The following SMOC1 variants were observed in gnomAD, a reference collection of about 807,000 sequenced individuals.
SMOC1 encodes the protein SPARC-related modular calcium-binding protein 1.
A neutral mutation model predicts 56.3 loss-of-function variants in SMOC1; 22 were observed. The observed-to-expected ratio is 0.39, with a 90% CI of 0.28 to 0.56. The LOEUF (loss-of-function observed/expected upper bound fraction) is 0.56. SMOC1 is among the 20% of genes least tolerant of loss of function. SMOC1 has a pLI of 0.61. For missense variants in SMOC1, 509 were observed against 565.4 expected (o/e 0.90, Z 1.01); for synonymous variants, 193 against 215.0 (o/e 0.90, Z 0.89).
chr14:69,980,122 T>TC (rs1330150487), intron 5 of SMOC1, among the ~76,000 whole-genome samples: 1 of 152,112 alleles, frequency 6.6e-6, no homozygotes, highest in African/African-American at 2.4e-5. Flanking sequence ...CACCCTTTGT[T>TC]CCCTTTTACA....
intron 1 of SMOC1, among the ~76,000 whole-genome samples, chr14:69,920,764 A>C (rs1467440457): frequency 6.6e-6 from 1 of 152,170 alleles, no homozygotes. Flanking sequence ...TTTGTCTGGA[A>C]GGTCAGAGAG....
rs888998678 is a variant in SMOC1 at position 70,031,664 on chromosome 14, C to T, written c.*1406C>T. The T allele has an allele frequency of 4.6e-5, 7 of 152,420 alleles. No individual in the cohort carries two copies. Among genetic ancestry groups the T allele is most frequent in the African/African-American group, 1.4e-4 (6 of 41,566 alleles). 9.4% of individuals were successfully genotyped at this position (152,420 alleles called of 1,614,324 possible). A position where few individuals can be genotyped will look rare whatever the true frequency, so the allele number is the denominator to read the frequency against. On this transcript the variant is annotated 3_prime_UTR_variant, in exon 12 of 12. Transcript: ENST00000361956. Reference sequence around the variant, plus strand: ...TTCCACAGGCATCACAGGCATCTTCCGCGGATTCTAGGGTGGGCTGCCCAG... The same window carrying T: ...TTCCACAGGCATCACAGGCATCTTCTGCGGATTCTAGGGTGGGCTGCCCAG...
chr14:69,924,523 C>T (rs1461334508), intron 1 of SMOC1, among the ~76,000 whole-genome samples: 4 of 151,782 alleles, frequency 2.6e-5, no homozygotes, highest in South Asian at 2.1e-4. Flanking sequence ...TTATGGCACC[C>T]GGGAATAAAA....
intron 1 of SMOC1, among the ~76,000 whole-genome samples, chr14:69,940,820 T>C (rs913858587): frequency 6.6e-6 from 1 of 152,130 alleles, no homozygotes; most frequent in African/African-American, 2.4e-5. Flanking sequence ...GCTCTCTGTT[T>C]ATTTGATTTG....
In SMOC1 at chr14:69,994,433, T is replaced by C. The variant is rs760924606; in HGVS notation, c.617T>C (p.Leu206Ser). 6.2e-7 allele frequency: 1 copy of C among 1,614,052 alleles called. No homozygotes were observed. Among genetic ancestry groups the C allele is most frequent in the Non-Finnish European group, 8.5e-7 (1 of 1,179,936 alleles). ...ITAPTLWIKH[L>S]VIKDSKLNNT... ...GCCCCAACTCTATGGATTAAACACTTGGTGATCAAGGACTCCAAACTGAAC... is the reference window on the plus strand; with the variant it reads ...GCCCCAACTCTATGGATTAAACACTCGGTGATCAAGGACTCCAAACTGAAC... Residue 206 changes from leucine (L) to serine (S), a missense_variant, in exon 7 of 12, where the codon TTG becomes TCG. Physicochemically the swap from Leu to Ser is moderately radical, Grantham distance 145. Coordinates refer to ENST00000361956, the MANE Select transcript of SMOC1 (RefSeq NM_001034852.3).
At chr14:69,986,246 G>A (rs1253383411) in intron 5 of SMOC1, among the ~76,000 whole-genome samples, 3 of 152,186 alleles carry the variant, frequency 2.0e-5, no homozygotes, top group Admixed American at 6.5e-5. Flanking sequence ...TGCCAGGTGT[G>A]AGGAATGGGG....
At chr14:70,003,286 A>G (rs1459701) in intron 7 of SMOC1, among the ~76,000 whole-genome samples, 4,646 of 151,442 alleles carry the variant, frequency 0.031, 125 homozygotes, top group Middle Eastern at 0.14. Flanking sequence ...CAGTGGGACA[A>G]CTCCTTTTGC....
chr14:70,012,361 C>T (rs57292391), intron 9 of SMOC1, among the ~76,000 whole-genome samples: 1,772 of 152,288 alleles, frequency 0.012, 36 homozygotes, highest in African/African-American at 0.039. Flanking sequence ...GTGCCAGGCA[C>T]TGGGTATAAT....
intron 5 of SMOC1, among the ~76,000 whole-genome samples, chr14:69,983,382 G>C (rs1296122216): frequency 1.3e-5 from 2 of 152,224 alleles, no homozygotes; most frequent in Non-Finnish European, 2.9e-5. Context: ...TAAGGACCCA[G>C]GGATGAGTAT....
At chr14:69,965,511 G>C (rs1046696665) in intron 3 of SMOC1, among the ~76,000 whole-genome samples, 1 of 152,106 alleles carries the variant, frequency 6.6e-6, no homozygotes, top group Non-Finnish European at 1.5e-5. Context: ...GGATCACTGA[G>C]TACAGTATAT....
chr14:70,004,616 C>G (rs1366551065), intron 7 of SMOC1, among the ~76,000 whole-genome samples: 3 of 152,212 alleles, frequency 2.0e-5, no homozygotes, highest in Admixed American at 6.5e-5. Flanking sequence ...GAATTTCTAG[C>G]CTATTGGCCT....
At chr14:69,994,923 G>A (rs1302773025) in intron 7 of SMOC1, among the ~76,000 whole-genome samples, 1 of 152,132 alleles carries the variant, frequency 6.6e-6, no homozygotes, top group African/African-American at 2.4e-5. Flanking sequence ...TTGAGCACTG[G>A]CTGAACCCTC....
At chr14:69,889,380 G>A (rs914759488) in intron 1 of SMOC1, among the ~76,000 whole-genome samples, 1 of 152,132 alleles carries the variant, frequency 6.6e-6, no homozygotes, top group African/African-American at 2.4e-5. Context: ...CTTCCTTTAA[G>A]CAAAGAATCA....
intron 10 of SMOC1, among the ~76,000 whole-genome samples, chr14:70,019,566 T>C (rs1885638677): frequency 6.6e-6 from 1 of 152,174 alleles, no homozygotes; most frequent in South Asian, 2.1e-4. Context: ...GGAATATATG[T>C]GTGCTTGTGT....
intron 3 of SMOC1, among the ~76,000 whole-genome samples, chr14:69,973,887 G>A (rs1017065188): frequency 1.3e-5 from 2 of 152,146 alleles, no homozygotes; most frequent in Non-Finnish European, 2.9e-5. Context: ...CAATTTGTGT[G>A]CTATTACTGT....
At chr14:69,932,033 A>T (rs1885178280) in intron 1 of SMOC1, among the ~76,000 whole-genome samples, 1 of 152,246 alleles carries the variant, frequency 6.6e-6, no homozygotes, top group Non-Finnish European at 1.5e-5. Flanking sequence ...CTGTTCTGGC[A>T]GTCCAAAGAG....
chr14:69,954,118 G>A (rs1417274856), intron 3 of SMOC1, among the ~76,000 whole-genome samples: 5 of 152,140 alleles, frequency 3.3e-5, no homozygotes, highest in Non-Finnish European at 5.9e-5. Flanking sequence ...TTAGTGCATT[G>A]TCAAAGTAAT....
In SMOC1 at chr14:70,016,097, T is replaced by C. The variant is rs1461862423; in HGVS notation, c.1046+2606T>C. 3.9e-5 allele frequency among the ~76,000 whole-genome samples: 6 copies of C among 152,282 alleles called. No individual in the cohort carries two copies. The East Asian group carries it at 1.2e-3, about 30-fold the overall frequency. On this transcript the variant is annotated intron_variant, in intron 10 of 11. Coordinates refer to ENST00000361956, the MANE Select transcript of SMOC1 (RefSeq NM_001034852.3). ...AGGACTTCAAGCTCCTCTTGGTTGC[T>C]TTCCCAAGAGCACTGCGTGGGCTCT... is the stretch of plus-strand genomic sequence containing the variant.
chr14:69,961,628 C>G (rs1268310129), intron 3 of SMOC1, among the ~76,000 whole-genome samples: 3 of 152,060 alleles, frequency 2.0e-5, no homozygotes, highest in Admixed American at 2.0e-4. Flanking sequence ...ATGATATGCC[C>G]ACCTCAGCCT....
Sources: gnomAD v4.1 joint callset for allele counts (sites outside exome capture counted in the v4.1 genomes callset) on GRCh38, gnomAD v4.1.1 for gene constraint, MANE v1.5 for transcripts, NCBI Gene and HGNC (gene_info 2026-07-23, HGNC 2026-07-21) for gene names.